Variants in REM1 observed in about 807,000 individuals in gnomAD.
The protein encoded by REM1 is GTP-binding protein REM 1.
In REM1, 20 loss-of-function variants were observed where a neutral mutation model predicts 27.0. The observed-to-expected ratio is 0.74, with a 90% CI of 0.52 to 1.08. REM1 has a LOEUF of 1.08. Among genes scored for constraint, REM1 ranks in the 50% least tolerant of loss-of-function variants. REM1 has a pLI of 0.00. For missense variants in REM1, 405 were observed against 407.0 expected, an observed-to-expected ratio of 1.00 and a Z score of 0.04; for synonymous variants, 159 against 167.9, an observed-to-expected ratio of 0.95 and a Z score of 0.41.
intron 3 of REM1, among the ~76,000 whole-genome samples, chr20:31,480,442 G>A (rs1457150630): frequency 6.6e-6 from 1 of 151,970 alleles, no homozygotes; most frequent in Non-Finnish European, 1.5e-5. Flanking sequence ...TTCTGCCTCA[G>A]CCTCCCGAGT....
At chr20:31,477,791 C>T (rs748253832) in intron 2 of REM1, 37 bp from the exon 3 acceptor site, 32 of 1,547,688 alleles carry the variant, frequency 2.1e-5, no homozygotes, top group Middle Eastern at 1.7e-4. Context: ...CAGGCTTGCC[C>T]GTCCTCCCTG....
Position 31,484,734 on chromosome 20 carries a change from A to C in REM1, c.*304A>C. On this transcript the variant is annotated 3_prime_UTR_variant, in exon 5 of 5. Coordinates refer to ENST00000201979, the MANE Select transcript of REM1 (RefSeq NM_014012.6). Reference sequence around the variant, plus strand: ...TGGCCAACCCTCAGAAACCCTCACAATAAACCAGACCAGAAGGATGTCCCA... The same window carrying C: ...TGGCCAACCCTCAGAAACCCTCACACTAAACCAGACCAGAAGGATGTCCCA... 2.6e-6 allele frequency: 1 copy of C among 383,968 alleles called. No homozygotes were observed. Among genetic ancestry groups the C allele is most frequent in the Non-Finnish European group, 4.7e-6 (1 of 214,686 alleles). 23.8% of individuals were successfully genotyped at this position (383,968 alleles called of 1,614,324 possible). A position where few individuals can be genotyped will look rare whatever the true frequency, so the allele number is the denominator to read the frequency against.
In REM1 at chr20:31,482,401, C is replaced by T. The variant is rs751705132; in HGVS notation, c.538C>T (p.Arg180Trp). 2.4e-5 allele frequency: 39 copies of T among 1,614,046 alleles called. 1 individual carries two copies. The South Asian group carries it at 3.8e-4, about 16-fold the overall frequency. ...TGCCTCTGAGCTCCGCATCCAGCTG[C>T]GGCGCACACATCAGGCAGACCATGT... ...ESASELRIQL[R>W]RTHQADHVPI... Residue 180 changes from arginine (R) to tryptophan (W), a missense_variant, in exon 4 of 5, where the codon CGG (arginine) becomes TGG (tryptophan). Physicochemically the swap from Arg to Trp is moderately radical, Grantham distance 101. Transcript: ENST00000201979.
At position 31,476,717 on chromosome 20, in the gene REM1, T is replaced by A. The variant is rs1980520962; in HGVS notation, c.272T>A (p.Val91Glu). The A allele has an allele frequency of 3.7e-6, 6 of 1,613,242 alleles. No homozygotes were observed. Among genetic ancestry groups the A allele is most frequent in the Non-Finnish European group, 5.1e-6 (6 of 1,179,784 alleles). Residue 91 changes from valine to glutamate, a missense_variant, in exon 2 of 5, where the codon GTG (valine) becomes GAG (glutamate). Coordinates refer to ENST00000201979, the MANE Select transcript of REM1 (RefSeq NM_014012.6). ...GTGGTGCTACTTGGAGATCCTGGAG[T>A]GGGGAAGACCAGCTTGGCCAGCCTC... ...YRVVLLGDPG[V>E]GKTSLASLFA...
At chr20:31,481,484 C>A (rs1327666483) in intron 3 of REM1, among the ~76,000 whole-genome samples, 2 of 152,062 alleles carry the variant, frequency 1.3e-5, no homozygotes, top group African/African-American at 4.8e-5. Context: ...GGCCTCCCCA[C>A]CCCACTCCTC....
intron 4 of REM1, among the ~76,000 whole-genome samples, chr20:31,483,032 G>A (rs1365733354): frequency 6.6e-6 from 1 of 152,124 alleles, no homozygotes; most frequent in East Asian, 1.9e-4. Flanking sequence ...AGGCCCAGTG[G>A]CTCACGCCTG....
chr20:31,481,480 C>T (rs1980732509), intron 3 of REM1, among the ~76,000 whole-genome samples: 2 of 151,986 alleles, frequency 1.3e-5, no homozygotes, highest in Non-Finnish European at 2.9e-5. Context: ...TTCTGGCCTC[C>T]CCACCCCACT....
intron 2 of REM1, among the ~76,000 whole-genome samples, chr20:31,477,472 C>G (rs1412808729): frequency 6.6e-6 from 1 of 152,140 alleles, no homozygotes; most frequent in African/African-American, 2.4e-5. Context: ...CGAGTGAGAA[C>G]ACATATGTGT....
chr20:31,484,092 T>TCTTCCTAC, intron 4 of REM1, 67 bp from the exon 5 acceptor site: 1 of 1,468,322 alleles, frequency 6.8e-7, no homozygotes, highest in Non-Finnish European at 9.0e-7. Flanking sequence ...TAAACACATC[T>TCTTCCTAC]CTTCCTACCT....
Position 31,476,782 on chromosome 20 carries a change from G to A in REM1, c.337G>A (p.Gly113Arg), listed in dbSNP as rs370304085. The A allele has an allele frequency of 5.6e-6, 9 of 1,604,866 alleles. No individual in the cohort carries two copies. The African/African-American group carries it at 1.2e-4, about 21-fold the overall frequency. ...KQERDLHEQL[G>R]EDVYERTLTV... ...AGAGAGGGACCTCCATGAACAGCTG[G>A]GAGGTAGGGGCCATATGGGCTGGGC... Residue 113 changes from glycine to arginine, a missense_variant, in exon 2 of 5, where the codon GGA (glycine) becomes AGA (arginine). Physicochemically the swap from Gly to Arg is moderately radical, Grantham distance 125. Coordinates refer to ENST00000201979, the MANE Select transcript of REM1 (RefSeq NM_014012.6).
chr20:31,484,043 C>A (rs1398953846), intron 4 of REM1, 116 bp from the exon 5 acceptor site: 3 of 1,183,762 alleles, frequency 2.5e-6, no homozygotes, highest in Non-Finnish European at 3.4e-6. Flanking sequence ...GACAGCAGCA[C>A]CAGGCATGAG....
rs1454443724 is a variant in REM1 at position 31,484,064 on chromosome 20, A to T, written c.626-95A>T. Reference sequence around the variant, plus strand: ...AGCACCAGGCATGAGCACAGGAAAAATTGCTTCCAATCGAGACTAAACACA... The same window carrying T: ...AGCACCAGGCATGAGCACAGGAAAATTTGCTTCCAATCGAGACTAAACACA... On this transcript the variant is annotated intron_variant, in intron 4 of 4. Transcript: ENST00000201979. 25 of 1,364,596 alleles carry T rather than the reference A, an allele frequency of 1.8e-5. No homozygotes were observed. The Admixed American group carries it at 5.8e-4, about 31-fold the overall frequency. The allele number at this position is 1,364,596 out of a possible 1,614,324, so 84.5% of individuals were successfully genotyped here.
At position 31,484,204 on chromosome 20, in the gene REM1, C is replaced by A. The variant is rs1204214103; in HGVS notation, c.671C>A (p.Thr224Lys). The A allele has an allele frequency of 1.9e-6, 3 of 1,607,724 alleles. No individual in the cohort carries two copies. The highest frequency in any genetic ancestry group is 2.5e-6 in the Non-Finnish European group (3 of 1,177,288). Residue 224 changes from threonine (T) to lysine (K), a missense_variant, in exon 5 of 5, where the codon ACA becomes AAA. By Grantham distance (78) the Thr-to-Lys change is moderately conservative. Coordinates refer to ENST00000201979, the MANE Select transcript of REM1 (RefSeq NM_014012.6). Reference sequence around the variant, plus strand: ...GTGTTCGACTGTAAATTCATCGAGACATCCGCCACGCTGCAGCACAATGTG... The same window carrying A: ...GTGTTCGACTGTAAATTCATCGAGAAATCCGCCACGCTGCAGCACAATGTG... ...AVVFDCKFIE[T>K]SATLQHNVAE...
At chr20:31,480,616 C>G (rs1366525490) in intron 3 of REM1, among the ~76,000 whole-genome samples, 4 of 152,188 alleles carry the variant, frequency 2.6e-5, no homozygotes, top group African/African-American at 4.8e-5. Context: ...AGCCACCATG[C>G]CCAGCTGAGA....
Position 31,476,397 on chromosome 20 carries a change from C to A in REM1, c.-49C>A, listed in dbSNP as rs2233828. ...AGCAATTGGCTGACAGCCAATTCCC[C>A]CTTCTTTCAGAAGGAAAGAAGGAAG... On this transcript the variant is annotated 5_prime_UTR_variant, in exon 2 of 5. Coordinates refer to ENST00000201979, the MANE Select transcript of REM1 (RefSeq NM_014012.6). 2.9e-3 allele frequency: 4,228 copies of A among 1,446,254 alleles called. 98 individuals carry two copies. The African/African-American group carries it at 0.054, about 19-fold the overall frequency. The allele number at this position is 1,446,254 out of a possible 1,614,324, so 89.6% of individuals were successfully genotyped here.
intron 3 of REM1, among the ~76,000 whole-genome samples, chr20:31,479,727 A>C (rs980353431): frequency 6.6e-6 from 1 of 152,138 alleles, no homozygotes; most frequent in Non-Finnish European, 1.5e-5. Flanking sequence ...ATCTGACAGA[A>C]TTGGATGGGC....
chr20:31,480,994 C>T (rs544993771), intron 3 of REM1, among the ~76,000 whole-genome samples: 1 of 152,100 alleles, frequency 6.6e-6, no homozygotes, highest in African/African-American at 2.4e-5. Context: ...GGCTTCTGGC[C>T]GAGCACGGTG....
intron 4 of REM1, among the ~76,000 whole-genome samples, chr20:31,483,570 G>A (rs1980802880): frequency 6.6e-6 from 1 of 152,066 alleles, no homozygotes. Context: ...ATGGGATGGG[G>A]ACTATTTTAA....
intron 3 of REM1, among the ~76,000 whole-genome samples, chr20:31,481,090 C>G (rs1286827932): frequency 3.9e-5 from 6 of 151,954 alleles, no homozygotes; most frequent in Non-Finnish European, 5.9e-5. Context: ...TGGCCAATAT[C>G]GTGAAACCCC....
Sources: allele counts gnomAD v4.1 joint callset (sites outside exome capture counted in the v4.1 genomes callset), GRCh38; gene constraint gnomAD v4.1.1; transcripts MANE v1.5; gene names NCBI Gene and HGNC (gene_info 2026-07-23, HGNC 2026-07-21).